Variants in CMYA5 observed in about 807,000 individuals in gnomAD.
CMYA5 encodes the protein cardiomyopathy associated 5, also known as cardiomyopathy-associated protein 5.
A neutral mutation model predicts 318.9 loss-of-function variants in CMYA5; 246 were observed. That is an observed-to-expected ratio of 0.77 (90% confidence interval 0.70 to 0.86). The LOEUF is 0.86. CMYA5 is among the 40% of genes least tolerant of loss of function. CMYA5 has a pLI of 0.00. For missense variants in CMYA5, 4,589 were observed against 4,678.2 expected (o/e 0.98, Z 0.56); for synonymous variants, 1,641 against 1,729.5 (o/e 0.95, Z 1.27).
At chr5:79,761,689 A>G (rs1828654313) in intron 7 of CMYA5, 122 bp from the exon 8 acceptor site, 3 of 974,984 alleles carry the variant, frequency 3.1e-6, no homozygotes, top group Admixed American at 5.7e-5. Context: ...ACATAATGGT[A>G]TCTGTAAGGT....
rs778381913 is a variant in CMYA5 at position 79,745,431 on chromosome 5, G to A, written c.10944G>A (p.Glu3648=). ...TLETIVREAE[E]LDEAVFLTSF... is the part of the protein sequence containing the mutation. ...AGACCATCGTGAGAGAAGCAGAGGA[G>A]CTTGATGAGGCCGTCTTCCTGACTG... The change falls in exon 4 of 13, where the codon GAG becomes GAA. Residue 3648 remains glutamate (E), a synonymous_variant. Coordinates refer to ENST00000446378, the MANE Select transcript of CMYA5 (RefSeq NM_153610.5). 6.2e-7 allele frequency: 1 copy of A among 1,613,902 alleles called. No homozygotes were observed. Among genetic ancestry groups the A allele is most frequent in the Non-Finnish European group, 8.5e-7 (1 of 1,179,816 alleles).
chr5:79,729,743 T>A lies in CMYA5; in HGVS notation c.978T>A (p.Ile326=). ...TCAGTCATGAAGATCAAAAGAAAAT[T>A]TATGCTGATTCTCCCCTAAATGCCA... ...LMFSHEDQKK[I]YADSPLNATS... The change falls in exon 2 of 13, where the codon ATT becomes ATA. Residue 326 remains isoleucine (I), a synonymous_variant. Coordinates refer to ENST00000446378, the MANE Select transcript of CMYA5 (RefSeq NM_153610.5). 6.2e-7 allele frequency: 1 copy of A among 1,613,878 alleles called. No individual in the cohort carries two copies. Among genetic ancestry groups the A allele is most frequent in the Non-Finnish European group, 8.5e-7 (1 of 1,179,856 alleles).
At chr5:79,776,652 C>T (rs1004795481) in intron 9 of CMYA5, among the ~76,000 whole-genome samples, 83 of 152,176 alleles carry the variant, frequency 5.5e-4, no homozygotes, top group African/African-American at 1.9e-3. Flanking sequence ...GCTTGGGGAA[C>T]ACTGCCTTAC....
chr5:79,707,899 C>T (rs1428571351), intron 1 of CMYA5, among the ~76,000 whole-genome samples: 1 of 152,200 alleles, frequency 6.6e-6, no homozygotes, highest in Non-Finnish European at 1.5e-5. Flanking sequence ...GATCAAGGCA[C>T]TGCAGATTCA....
Position 79,799,644 on chromosome 5 carries a change from A to G in CMYA5, c.*28A>G. 2 of 1,589,128 alleles carry G rather than the reference A, an allele frequency of 1.3e-6. No individual in the cohort carries two copies. The highest frequency in any genetic ancestry group is 1.1e-5 in the South Asian group (1 of 88,494). The stretch of plus-strand genomic sequence containing the variant: ...CTTGGCTTTCAGAATTTGCAAGAAC[A>G]GCGATTTGAATTTTGGGGGGGTCTG... On this transcript the variant is annotated 3_prime_UTR_variant, in exon 13 of 13. Transcript: ENST00000446378.
At chr5:79,702,342 G>A (rs188020678) in intron 1 of CMYA5, among the ~76,000 whole-genome samples, 178 of 151,740 alleles carry the variant, frequency 1.2e-3, no homozygotes, top group Non-Finnish European at 2.2e-3. Context: ...AGCTATGATC[G>A]GCCACTGCAC....
chr5:79,761,763 T>G (rs1248863394), intron 7 of CMYA5, 48 bp from the exon 8 acceptor site: 1 of 1,559,082 alleles, frequency 6.4e-7, no homozygotes, highest in Non-Finnish European at 8.7e-7. Context: ...CTATAACTTT[T>G]AATTAACTTT....
chr5:79,790,863 T>G, intron 10 of CMYA5, 107 bp from the exon 11 acceptor site: 10 of 698,470 alleles, frequency 1.4e-5, no homozygotes, highest in Non-Finnish European at 2.0e-5. Context: ...TCGTGGGGGA[T>G]TTTGACGTCA....
chr5:79,705,240 C>T (rs1056982486), intron 1 of CMYA5, among the ~76,000 whole-genome samples: 3 of 152,092 alleles, frequency 2.0e-5, no homozygotes, highest in African/African-American at 7.2e-5. Flanking sequence ...CCACTGCACT[C>T]CAGCCTGGGT....
At chr5:79,793,915 G>C (rs906442951) in intron 12 of CMYA5, among the ~76,000 whole-genome samples, 6 of 152,202 alleles carry the variant, frequency 3.9e-5, no homozygotes, top group Non-Finnish European at 8.8e-5. Context: ...CAGAGTTGGT[G>C]CCTGGAGAAG....
At chr5:79,725,230 T>C (rs996692538) in intron 1 of CMYA5, among the ~76,000 whole-genome samples, 1 of 152,100 alleles carries the variant, frequency 6.6e-6, no homozygotes, top group Admixed American at 6.5e-5. Context: ...CCATCAACGG[T>C]GGATTGGATA....
At position 79,716,326 on chromosome 5, in the gene CMYA5, TA is replaced by T. The variant is rs1455374148; in HGVS notation, c.150-12588del. ...AGATACAGGACAACAATGTGATTTC[TA>T]CTACTGAATCTCCTGAATCTCAGAA... is the stretch of plus-strand genomic sequence containing the variant. On this transcript the variant is annotated intron_variant, in intron 1 of 12. Coordinates refer to ENST00000446378, the MANE Select transcript of CMYA5 (RefSeq NM_153610.5). Among the ~76,000 whole-genome samples the T allele has an allele frequency of 2.0e-5, 3 of 152,376 alleles. No individual in the cohort carries two copies. The South Asian group carries it at 6.2e-4, about 32-fold the overall frequency.
In CMYA5 at chr5:79,778,811, C is replaced by CTGTGTGTGTGTGTGTGTGTGTGTG. The variant is rs35461782; in HGVS notation, c.11556-10158_11556-10135dup. Among the ~76,000 whole-genome samples the CTGTGTGTGTGTGTGTGTGTGTGTG allele has an allele frequency of 2.0e-3, 173 of 84,910 alleles. 2 individuals carry two copies. Among genetic ancestry groups the CTGTGTGTGTGTGTGTGTGTGTGTG allele is most frequent in the Non-Finnish European group, 2.9e-3 (139 of 48,382 alleles). The allele number at this position is 84,910 out of a possible 152,430, so 55.7% of individuals were successfully genotyped here. A position where few individuals can be genotyped will look rare whatever the true frequency, so the allele number is the denominator to read the frequency against. On this transcript the variant is annotated intron_variant, in intron 9 of 12. Transcript: ENST00000446378. ...ATGCCGCCTGCCCCCCTCTCTCTTT[C>CTGTGTGTGTGTGTGTGTGTGTGTG]TGTGTGTGTGTGTGTGTGTGTGTGT...
intron 12 of CMYA5, among the ~76,000 whole-genome samples, chr5:79,796,814 G>A (rs1235244030): frequency 6.6e-6 from 1 of 151,648 alleles, no homozygotes; most frequent in East Asian, 1.9e-4. Flanking sequence ...TCAACAATTA[G>A]TATTATGCAT....
chr5:79,709,892 C>T (rs1385697451), intron 1 of CMYA5, among the ~76,000 whole-genome samples: 12 of 121,548 alleles, frequency 9.9e-5, no homozygotes, highest in African/African-American at 1.3e-4. Flanking sequence ...ACCCGGGAGG[C>T]GGAGGCTGCA....
At chr5:79,792,563 G>A (rs577044159) in intron 11 of CMYA5, among the ~76,000 whole-genome samples, 1 of 152,282 alleles carries the variant, frequency 6.6e-6, no homozygotes, top group Admixed American at 6.5e-5. Flanking sequence ...TCTCTGAAAT[G>A]AGGTTGAGTA....
chr5:79,693,070 G>A (rs1826999936), intron 1 of CMYA5, among the ~76,000 whole-genome samples: 1 of 152,162 alleles, frequency 6.6e-6, no homozygotes, highest in Non-Finnish European at 1.5e-5. Context: ...AAAGTCTTGG[G>A]ATACATGCTA....
intron 2 of CMYA5, among the ~76,000 whole-genome samples, chr5:79,742,054 TTCTTC>T (rs1828219283): frequency 1.5e-4 from 1 of 6,738 alleles, no homozygotes; most frequent in Non-Finnish European, 2.4e-4. Flanking sequence ...TCTCCTCTTC[TTCTTC>T]TTCTTCTTCT....
intron 1 of CMYA5, among the ~76,000 whole-genome samples, chr5:79,726,755 G>T (rs1827754601): frequency 6.6e-6 from 1 of 152,048 alleles, no homozygotes; most frequent in Non-Finnish European, 1.5e-5. Context: ...TAGACTGCTG[G>T]GGAAACTCTG....
Sources: gnomAD v4.1 joint callset for allele counts (sites outside exome capture counted in the v4.1 genomes callset) on GRCh38, gnomAD v4.1.1 for gene constraint, MANE v1.5 for transcripts, NCBI Gene and HGNC (gene_info 2026-07-23, HGNC 2026-07-21) for gene names.